Variants in CORO2B observed in about 807,000 individuals in gnomAD.
CORO2B encodes the protein coronin 2B, also known as coronin-2B.
A neutral mutation model predicts 58.8 loss-of-function variants in CORO2B; 26 were observed. That is an observed-to-expected ratio of 0.44 (90% CI 0.32 to 0.61). The LOEUF is 0.61. CORO2B is among the 20% of genes least tolerant of loss of function. The pLI, the probability that CORO2B is intolerant of heterozygous loss-of-function variation, is 0.04. For missense variants in CORO2B, 460 were observed against 645.1 expected (o/e 0.71, Z 3.11); for synonymous variants, 242 against 253.8 (o/e 0.95, Z 0.44).
chr15:68,676,154 C>T (rs1902578360), intron 2 of CORO2B, among the ~76,000 whole-genome samples: 1 of 152,144 alleles, frequency 6.6e-6, no homozygotes, highest in South Asian at 2.1e-4. Context: ...TGTGCAAGGG[C>T]ACAGTGTGGG....
rs147799943 is a variant in CORO2B, at chr15:68,615,786, G to A, written c.16-29374G>A. Among the ~76,000 whole-genome samples, 423 of 152,260 alleles carry A rather than the reference G, an allele frequency of 2.8e-3. 1 individual carries two copies. Among genetic ancestry groups the A allele is most frequent in the Middle Eastern group, 0.027 (8 of 294 alleles). On this transcript the variant is annotated intron_variant, in intron 1 of 11. Transcript: ENST00000261861. ...CCAAATCCGTCAGTGCCCTGGTCTTGGACTTCCCAACCTCCAGAGCCATGA... is the reference window on the plus strand; with the variant it reads ...CCAAATCCGTCAGTGCCCTGGTCTTAGACTTCCCAACCTCCAGAGCCATGA...
chr15:68,568,892 G>A, the CORO2B span, among the ~76,000 whole-genome samples: 3 of 152,244 alleles, frequency 2.0e-5, no homozygotes, highest in East Asian at 3.9e-4. Context: ...ATACTTAGGT[G>A]ATGGCTTGAT....
At chr15:68,609,940 A>G (rs1261919860) in intron 1 of CORO2B, among the ~76,000 whole-genome samples, 21 of 152,170 alleles carry the variant, frequency 1.4e-4, no homozygotes, top group Admixed American at 1.4e-3. Context: ...TTGGCCAGCT[A>G]GCCCATCCCC....
the CORO2B span, among the ~76,000 whole-genome samples, chr15:68,540,103 T>G: frequency 6.6e-6 from 1 of 152,256 alleles, no homozygotes; most frequent in Non-Finnish European, 1.5e-5. Flanking sequence ...CACATCAGTA[T>G]GTTTTCATAC....
chr15:68,697,327 T>A (rs1220592856), intron 3 of CORO2B, among the ~76,000 whole-genome samples: 4 of 152,074 alleles, frequency 2.6e-5, no homozygotes, highest in Admixed American at 1.3e-4. Flanking sequence ...AAAGAATGGA[T>A]AAGTAAATAG....
intron 2 of CORO2B, among the ~76,000 whole-genome samples, chr15:68,683,543 A>G (rs1567007713): frequency 1.3e-5 from 2 of 151,990 alleles, no homozygotes; most frequent in South Asian, 4.1e-4. Context: ...CGCATTTCCA[A>G]CAGTTACAGT....
chr15:68,694,734 G>A (rs762922124), intron 2 of CORO2B, among the ~76,000 whole-genome samples: 5 of 152,212 alleles, frequency 3.3e-5, no homozygotes, highest in Admixed American at 6.5e-5. Flanking sequence ...GCATCTGAGC[G>A]TGCGTGAACA....
rs1447425546 is a variant in CORO2B, at chr15:68,726,252, C to G, written c.*278C>G. Reference sequence around the variant, plus strand: ...TCAGCTGGGTGAAGACTACAGACTCCCTGGGGTTGGCAGGGGCTCCATCTC... The same window carrying G: ...TCAGCTGGGTGAAGACTACAGACTCGCTGGGGTTGGCAGGGGCTCCATCTC... On this transcript the variant is annotated 3_prime_UTR_variant, in exon 12 of 12. Transcript: ENST00000261861. 2.5e-6 allele frequency: 1 copy of G among 400,750 alleles called. No individual in the cohort carries two copies. Among genetic ancestry groups the G allele is most frequent in the African/African-American group, 2.1e-5 (1 of 46,628 alleles). 24.8% of individuals were successfully genotyped at this position (400,750 alleles called of 1,614,324 possible).
chr15:68,568,469 C>A, the CORO2B span, among the ~76,000 whole-genome samples: 4 of 152,092 alleles, frequency 2.6e-5, no homozygotes, highest in Admixed American at 2.6e-4. Context: ...AGAAGGGAAA[C>A]AAAGAACAAG....
At chr15:68,619,946 C>T (rs1162488036) in intron 1 of CORO2B, among the ~76,000 whole-genome samples, 1 of 152,118 alleles carries the variant, frequency 6.6e-6, no homozygotes, top group Non-Finnish European at 1.5e-5. Flanking sequence ...GAGTCTCACT[C>T]TGTCTCCCAG....
chr15:68,569,055 CCA>C, the CORO2B span, among the ~76,000 whole-genome samples: 1 of 151,994 alleles, frequency 6.6e-6, no homozygotes. Flanking sequence ...CCCCCTGCTT[CCA>C]CACACACACA....
At chr15:68,619,653 T>C (rs1335273622) in intron 1 of CORO2B, among the ~76,000 whole-genome samples, 1 of 152,114 alleles carries the variant, frequency 6.6e-6, no homozygotes. Context: ...TAATTGTAAA[T>C]GCTGGGTGTA....
At chr15:68,561,261 G>T in the CORO2B span, among the ~76,000 whole-genome samples, 29 of 152,284 alleles carry the variant, frequency 1.9e-4, no homozygotes, top group African/African-American at 6.5e-4. Flanking sequence ...CATATGCCAC[G>T]CTGGGCGGCC....
At chr15:68,672,254 G>T (rs1419024115) in intron 2 of CORO2B, among the ~76,000 whole-genome samples, 1 of 150,690 alleles carries the variant, frequency 6.6e-6, no homozygotes, top group African/African-American at 2.4e-5. Flanking sequence ...AAAATTTTTT[G>T]AGACAGAATC....
intron 8 of CORO2B, among the ~76,000 whole-genome samples, 181 bp downstream of exon 8, chr15:68,715,492 G>A (rs909278080): frequency 3.9e-5 from 6 of 152,234 alleles, no homozygotes; most frequent in Admixed American, 6.5e-5. Context: ...CTGGACCGGC[G>A]CTGTCACCCC....
intron 2 of CORO2B, among the ~76,000 whole-genome samples, chr15:68,647,813 G>T (rs911801735): frequency 6.6e-6 from 1 of 150,590 alleles, no homozygotes; most frequent in African/African-American, 2.4e-5. Flanking sequence ...TTTGAGACCA[G>T]TCTGGGCAAC....
At chr15:68,690,939 G>A (rs533618952) in intron 2 of CORO2B, among the ~76,000 whole-genome samples, 1 of 151,858 alleles carries the variant, frequency 6.6e-6, no homozygotes, top group Non-Finnish European at 1.5e-5. Context: ...GATTACAGGT[G>A]TGAGCCACTG....
the CORO2B span, among the ~76,000 whole-genome samples, chr15:68,536,057 T>C: frequency 2.6e-5 from 4 of 152,258 alleles, no homozygotes; most frequent in African/African-American, 7.2e-5. Flanking sequence ...TAAAACATTA[T>C]GTGATTCTGA....
the CORO2B span, among the ~76,000 whole-genome samples, chr15:68,543,808 C>A: frequency 2.6e-5 from 4 of 152,310 alleles, no homozygotes; most frequent in African/African-American, 9.6e-5. Flanking sequence ...CTAGTCCCTC[C>A]CTCCACCCTC....
Sources: allele counts gnomAD v4.1 joint callset (sites outside exome capture counted in the v4.1 genomes callset), GRCh38; gene constraint gnomAD v4.1.1; transcripts MANE v1.5; gene names NCBI Gene and HGNC (gene_info 2026-07-23, HGNC 2026-07-21).